The following ITGA1 variants were observed in gnomAD, a reference collection of about 807,000 sequenced individuals.
ITGA1 encodes integrin alpha-1.
ITGA1 carries 85 observed loss-of-function variants against 145.9 expected under a neutral mutation model. The observed-to-expected ratio is 0.58, with a 90% CI of 0.49 to 0.70. The LOEUF is 0.70. ITGA1 is among the 30% of genes least tolerant of loss of function. The pLI, the probability that ITGA1 is intolerant of heterozygous loss-of-function variation, is 0.00. For missense variants in ITGA1, 1,351 were observed against 1,418.7 expected (o/e 0.95, Z 0.77); for synonymous variants, 520 against 495.3 (o/e 1.05, Z -0.66).
Position 52,881,780 on chromosome 5 carries a change from AAATGTATTAT to A in ITGA1, c.625-91_625-82del, listed in dbSNP as rs549230698. The A allele has an allele frequency of 2.8e-4, 332 of 1,182,998 alleles. 2 individuals are homozygous for A. The South Asian group carries it at 4.6e-3, about 17-fold the overall frequency. The allele number at this position is 1,182,998 out of a possible 1,614,324, so 73.3% of individuals were successfully genotyped here. A position where few individuals can be genotyped will look rare whatever the true frequency, so the allele number is the denominator to read the frequency against. On this transcript the variant is annotated intron_variant, in intron 6 of 28. Transcript: ENST00000282588. ...ACTGATAGGTTTGCAAACTCATCTGAAATGTATTATATCTGATTCACATGGTTAACCTGAA... is the reference window on the plus strand; with the variant it reads ...ACTGATAGGTTTGCAAACTCATCTGAATCTGATTCACATGGTTAACCTGAA...
chr5:52,831,026 A>G (rs1368548148), intron 1 of ITGA1, among the ~76,000 whole-genome samples: 1 of 152,136 alleles, frequency 6.6e-6, no homozygotes, highest in Non-Finnish European at 1.5e-5. Flanking sequence ...CTATGTTTTT[A>G]CTTTCTGGTA....
chr5:52,937,243 G>A (rs1425921399), intron 23 of ITGA1, among the ~76,000 whole-genome samples, 158 bp from the exon 24 acceptor site: 1 of 152,070 alleles, frequency 6.6e-6, no homozygotes, highest in Admixed American at 6.6e-5. Flanking sequence ...GCTGAATTAT[G>A]CCAATTCTCT....
intron 6 of ITGA1, among the ~76,000 whole-genome samples, chr5:52,879,757 G>T (rs1214601131): frequency 6.6e-6 from 1 of 152,014 alleles, no homozygotes; most frequent in Non-Finnish European, 1.5e-5. Context: ...AAATATAGTA[G>T]CTCTCTCAGA....
chr5:52,834,481 G>T (rs1749124236), intron 1 of ITGA1, among the ~76,000 whole-genome samples: 1 of 150,746 alleles, frequency 6.6e-6, no homozygotes, highest in Non-Finnish European at 1.5e-5. Flanking sequence ...GAGACAGAGA[G>T]AGAAAAAGAA....
chr5:52,893,232 G>A (rs181992158), intron 8 of ITGA1, among the ~76,000 whole-genome samples: 103 of 152,238 alleles, frequency 6.8e-4, no homozygotes, highest in African/African-American at 1.8e-3. Context: ...GCTGGACTGT[G>A]CCTTGGTAAT....
chr5:52,826,026 A>G (rs546260341), intron 1 of ITGA1, among the ~76,000 whole-genome samples: 6 of 152,354 alleles, frequency 3.9e-5, no homozygotes, highest in Admixed American at 3.9e-4. Flanking sequence ...ATGAAAAGCT[A>G]GAAATGACTG....
chr5:52,913,167 C>G (rs1750594436), intron 14 of ITGA1, among the ~76,000 whole-genome samples: 1 of 152,014 alleles, frequency 6.6e-6, no homozygotes, highest in Non-Finnish European at 1.5e-5. Context: ...TGCTGTTTAA[C>G]ATCTGTTAAA....
chr5:52,830,253 C>A (rs1749037918), intron 1 of ITGA1, among the ~76,000 whole-genome samples: 1 of 152,040 alleles, frequency 6.6e-6, no homozygotes, highest in Non-Finnish European at 1.5e-5. Flanking sequence ...GGAGGCATAT[C>A]TTTTTTCTTT....
At chr5:52,880,033 G>C (rs1749930690) in intron 6 of ITGA1, among the ~76,000 whole-genome samples, 1 of 152,172 alleles carries the variant, frequency 6.6e-6, no homozygotes, top group African/African-American at 2.4e-5. Context: ...CAGTTAACTA[G>C]CTAGTTAAGC....
intron 1 of ITGA1, among the ~76,000 whole-genome samples, chr5:52,832,775 G>GTGTGTGTGTGTGTGTC (rs1554042253): frequency 1.0e-4 from 11 of 109,946 alleles, no homozygotes; most frequent in Non-Finnish European, 1.6e-4. Context: ...CTGTGTGTGT[G>GTGTGTGTGTGTGTGTC]TGTGTGTGTG....
At chr5:52,807,082 A>G (rs975295982) in intron 1 of ITGA1, among the ~76,000 whole-genome samples, 4 of 151,096 alleles carry the variant, frequency 2.6e-5, no homozygotes, top group African/African-American at 9.7e-5. Flanking sequence ...ATGTTAGTTC[A>G]ATGGAAGTGC....
intron 11 of ITGA1, chr5:52,905,363 A>G (rs1390705561): frequency 6.5e-6 from 1 of 153,290 alleles, no homozygotes; most frequent in Non-Finnish European, 1.5e-5. Flanking sequence ...AGCAGCACAG[A>G]AAAGGTTTAC....
chr5:52,932,016 G>A (rs1170835488), intron 21 of ITGA1, 31 bp from the exon 22 acceptor site: 8 of 1,284,818 alleles, frequency 6.2e-6, no homozygotes, highest in Non-Finnish European at 9.0e-6. Context: ...AGATTTTAAT[G>A]GTTTGTCTGA....
chr5:52,940,028 C>G, intron 26 of ITGA1, 84 bp downstream of exon 26: 1 of 815,846 alleles, frequency 1.2e-6, no homozygotes, highest in Non-Finnish European at 2.1e-6. Flanking sequence ...AGGCACTGTG[C>G]TGCTTTTGGA....
chr5:52,924,722 G>T (rs1254318958), intron 18 of ITGA1, among the ~76,000 whole-genome samples: 1 of 152,152 alleles, frequency 6.6e-6, no homozygotes, highest in Non-Finnish European at 1.5e-5. Flanking sequence ...TGGGTGTGAG[G>T]TGGTGGTGGG....
chr5:52,882,809 G>A (rs1749980333), intron 7 of ITGA1: 1 of 152,166 alleles, frequency 6.6e-6, no homozygotes, highest in Non-Finnish European at 1.5e-5. Context: ...CACAGGAAAT[G>A]TAATAAGTAG....
At chr5:52,843,309 A>G (rs1021402533) in intron 1 of ITGA1, among the ~76,000 whole-genome samples, 4 of 152,208 alleles carry the variant, frequency 2.6e-5, no homozygotes, top group East Asian at 3.8e-4. Context: ...TTGCATAAAC[A>G]TATGTAAGAA....
chr5:52,897,435 G>C lies in ITGA1; in HGVS notation c.1091-20G>C. 1 of 1,549,174 alleles carries C rather than the reference G, an allele frequency of 6.5e-7. No homozygotes were observed. Among genetic ancestry groups the C allele is most frequent in the South Asian group, 1.1e-5 (1 of 89,272 alleles). ...AAAGGCATTGTTACTTATTTACAGT[G>C]ATATTTTCCTATGTTATAGCCACAG... On this transcript the variant is annotated intron_variant, in intron 9 of 28. Coordinates refer to ENST00000282588, the MANE Select transcript of ITGA1 (RefSeq NM_181501.2).
At chr5:52,915,660 G>T in intron 15 of ITGA1, 66 bp downstream of exon 15, 2 of 1,566,114 alleles carry the variant, frequency 1.3e-6, no homozygotes, top group Non-Finnish European at 1.7e-6. Flanking sequence ...CAGTGTGATT[G>T]GAGCTCATGT....
Sources: allele counts gnomAD v4.1 joint callset (sites outside exome capture counted in the v4.1 genomes callset), GRCh38; gene constraint gnomAD v4.1.1; transcripts MANE v1.5; gene names NCBI Gene and HGNC (gene_info 2026-07-23, HGNC 2026-07-21).